WIZ: variants seen among roughly 807,000 people sequenced by gnomAD.
WIZ encodes the protein protein Wiz.
Under a neutral mutation model 140.2 loss-of-function variants are expected in WIZ, and 25 were observed. That is an observed-to-expected ratio of 0.18 (90% confidence interval 0.13 to 0.25). The LOEUF is 0.25. WIZ is among the 10% of genes least tolerant of loss of function. The probability of loss-of-function intolerance (pLI) is 1.00; values close to 1 mark genes in which losing one functional copy is unlikely to be tolerated. For synonymous variants in WIZ, 1,125 were observed against 1,154.3 expected, an observed-to-expected ratio of 0.97 and a Z score of 0.51; for missense variants, 2,231 against 2,632.6, an observed-to-expected ratio of 0.85 and a Z score of 3.34.
intron 5 of WIZ, chr19:15,432,510 TGGCGGTGGTGGTGGCGGCGGC>T (rs1969321488): frequency 6.3e-6 from 4 of 631,068 alleles, no homozygotes; most frequent in Non-Finnish European, 7.4e-6. Flanking sequence ...GCGGTGGCGG[TGGCGGTGGTGGTGGCGGCGGC>T]GGCGGGGGTG....
chr19:15,423,576 A>G (rs1018806656), intron 12 of WIZ, among the ~76,000 whole-genome samples: 1 of 152,110 alleles, frequency 6.6e-6, no homozygotes, highest in Non-Finnish European at 1.5e-5. Context: ...CCAACGCACC[A>G]AGCCCCCCAC....
chr19:15,449,272 C>T (rs1483816258), intron 1 of WIZ, among the ~76,000 whole-genome samples: 9 of 151,948 alleles, frequency 5.9e-5, no homozygotes, highest in African/African-American at 2.2e-4. Flanking sequence ...GGGCGCCAGG[C>T]CTGGTTGCAG....
At chr19:15,435,874 G>C (rs1160647539) in intron 5 of WIZ, among the ~76,000 whole-genome samples, 9 of 152,150 alleles carry the variant, frequency 5.9e-5, no homozygotes. Flanking sequence ...TGTAATCCCA[G>C]CTCTTTGGGG....
At chr19:15,430,320 CACAGCAGG>C (rs1599673312) in intron 6 of WIZ, among the ~76,000 whole-genome samples, 1 of 152,238 alleles carries the variant, frequency 6.6e-6, no homozygotes, top group East Asian at 1.9e-4. Flanking sequence ...CCCAAGGGCA[CACAGCAGG>C]AGATAGAGCC....
Position 15,440,821 on chromosome 19 carries a change from C to A in WIZ, c.279-106G>T. On this transcript the variant is annotated intron_variant, in intron 3 of 12. Coordinates refer to ENST00000673675, the MANE Select transcript of WIZ (RefSeq NM_001371589.1). The surrounding 1 kb of genome is among the most constrained non-coding windows in gnomAD (Gnocchi z 6.2). The stretch of plus-strand genomic sequence containing the variant: ...GCCGTTTGAAGCAGGCCCCGGAGAT[C>A]CAGCCCGAGGGTGACAGGGGTGTGG... The A allele has an allele frequency of 8.4e-7, 1 of 1,184,266 alleles. No individual in the cohort carries two copies. The highest frequency in any genetic ancestry group is 1.1e-6 in the Non-Finnish European group (1 of 872,580). 73.4% of individuals were successfully genotyped at this position (1,184,266 alleles called of 1,614,324 possible). A position where few individuals can be genotyped will look rare whatever the true frequency, so the allele number is the denominator to read the frequency against.
chr19:15,422,988 GGAAA>G lies in WIZ; in HGVS notation c.*84_*87del. On this transcript the variant is annotated 3_prime_UTR_variant, in exon 13 of 13. Transcript: ENST00000673675. ...GGTTTTGGCTTGCTCCTTTGGAAAC[GGAAA>G]GAAAGAGGAAGAGGGACAAGGACAC... 6.5e-7 allele frequency: 1 copy of G among 1,529,560 alleles called. No individual in the cohort carries two copies. The highest frequency in any genetic ancestry group is 1.3e-5 in the South Asian group (1 of 79,922). 94.7% of individuals were successfully genotyped at this position (1,529,560 alleles called of 1,614,324 possible). A position where few individuals can be genotyped will look rare whatever the true frequency, so the allele number is the denominator to read the frequency against.
At chr19:15,433,311 GT>G in intron 5 of WIZ, 1 of 985,450 alleles carries the variant, frequency 1.0e-6, no homozygotes, top group East Asian at 1.1e-4. Flanking sequence ...GTCCCCAGCT[GT>G]TCCTTGACAG....
rs1214354475 is a variant in WIZ at position 15,431,127 on chromosome 19, G to A, written c.2796C>T (p.Leu932=). ...MVAMDLGSPS[L]PKKSLPVPGA... ...CAGGGACAGGCAGGCTCTTCTTAGG[G>A]AGCGAGGGAGAGCCCAAGTCCATGG... Residue 932 remains leucine, a synonymous_variant, in exon 6 of 13, where the codon CTC becomes CTT. Coordinates refer to ENST00000673675, the MANE Select transcript of WIZ (RefSeq NM_001371589.1). 13 of 1,534,976 alleles carry A rather than the reference G, an allele frequency of 8.5e-6. No individual in the cohort carries two copies. The highest frequency in any genetic ancestry group is 1.2e-5 in the South Asian group (1 of 83,874).
rs539854180 is a variant in WIZ, at chr19:15,439,746, A to G, written c.1248T>C (p.Tyr416=). 1.1e-4 allele frequency: 156 copies of G among 1,475,922 alleles called. 1 individual carries two copies. In the South Asian group the frequency reaches 1.8e-3, roughly 17 times the overall value. The allele number at this position is 1,475,922 out of a possible 1,614,324, so 91.4% of individuals were successfully genotyped here. A position where few individuals can be genotyped will look rare whatever the true frequency, so the allele number is the denominator to read the frequency against. ...CVFGTNSSRA[Y]VQHAKLHMRE... ...GCATGTGCAGCTTGGCATGCTGCAC[A>G]TAGGCCCTGGATGAATTGGTGCCAA... Residue 416 remains tyrosine (Y), a synonymous_variant, in exon 4 of 13, where the codon TAT becomes TAC. Coordinates refer to ENST00000673675, the MANE Select transcript of WIZ (RefSeq NM_001371589.1). This position sits in a 1 kb window ranked among gnomAD's most constrained non-coding sequence, Gnocchi z 7.0.
At chr19:15,430,972 C>A in intron 6 of WIZ, 40 bp downstream of exon 6, 2 of 1,490,320 alleles carry the variant, frequency 1.3e-6, no homozygotes, top group Admixed American at 2.1e-5. Flanking sequence ...GTGTAACCAG[C>A]CTGGCCAGCA....
Position 15,428,753 on chromosome 19 carries a change from T to G in WIZ, c.3416-245A>C, listed in dbSNP as rs776078319. Among the ~76,000 whole-genome samples, 211 of 152,258 alleles carry G rather than the reference T, an allele frequency of 1.4e-3. No individual in the cohort carries two copies. The highest frequency in any genetic ancestry group is 1.0e-3 in the Non-Finnish European group (68 of 68,010). On this transcript the variant is annotated intron_variant, in intron 7 of 12. Coordinates refer to ENST00000673675, the MANE Select transcript of WIZ (RefSeq NM_001371589.1). This position sits in a 1 kb window ranked among gnomAD's most constrained non-coding sequence, Gnocchi z 6.4. ...AGACAGGCAGTGACCAAATTCTAGG[T>G]AATCAGATACTCCCAGACCCTCTCC... is the stretch of plus-strand genomic sequence containing the variant.
chr19:15,436,699 A>C, intron 5 of WIZ, 107 bp downstream of exon 5: 12 of 1,203,204 alleles, frequency 1.0e-5, no homozygotes, highest in Non-Finnish European at 1.3e-5. Flanking sequence ...AAGTGACTCA[A>C]AATGCTTCCA....
At position 15,426,971 on chromosome 19, in the gene WIZ, G is replaced by A. The variant is rs200488273; in HGVS notation, c.4366+11C>T. 105 of 1,598,582 alleles carry A rather than the reference G, an allele frequency of 6.6e-5. No individual in the cohort carries two copies. The highest frequency in any genetic ancestry group is 8.0e-5 in the Non-Finnish European group (94 of 1,170,392). On this transcript the variant is annotated intron_variant, in intron 9 of 12. Transcript: ENST00000673675. The stretch of plus-strand genomic sequence containing the variant: ...ACTGTTCTCCCTGCCCTACTGCAGG[G>A]TCACACTTACACAGGTTCAGGGGTG...
rs1969704112 is a variant in WIZ, at chr19:15,440,569, C to G, written c.425G>C (p.Arg142Thr). The G allele has an allele frequency of 1.3e-6, 2 of 1,536,194 alleles. No homozygotes were observed. Among genetic ancestry groups the G allele is most frequent in the Non-Finnish European group, 1.7e-6 (2 of 1,146,898 alleles). Residue 142 changes from arginine (R) to threonine (T), a missense_variant, in exon 4 of 13, where the codon AGA becomes ACA. By Grantham distance (71) the Arg-to-Thr change is moderately conservative. Transcript: ENST00000673675. The surrounding 1 kb of genome is among the most constrained non-coding windows in gnomAD (Gnocchi z 6.2). ...EAGEGILSER[R>T]FEDSVIVRTM... ...TCTCACAATGACTGAGTCCTCGAAT[C>G]TCCGCTCAGATAGGATGCCCTCCCC... is the stretch of plus-strand genomic sequence containing the variant.
rs1968925082 is a variant in WIZ, at chr19:15,427,576, C to A, written c.3815-43G>T. ...AGGGGCAGTTAGCATCGTGGAACTG[C>A]CAGCATGGTCACCTGCAGGAGTGTC... On this transcript the variant is annotated intron_variant, in intron 8 of 12. Transcript: ENST00000673675. The surrounding 1 kb of genome is among the most constrained non-coding windows in gnomAD (Gnocchi z 6.4). The A allele has an allele frequency of 1.3e-6, 2 of 1,563,772 alleles. No individual in the cohort carries two copies. Among genetic ancestry groups the A allele is most frequent in the East Asian group, 4.5e-5 (2 of 43,998 alleles).
intron 1 of WIZ, among the ~76,000 whole-genome samples, chr19:15,448,817 C>T (rs977275829): frequency 2.6e-5 from 4 of 152,134 alleles, no homozygotes; most frequent in Non-Finnish European, 4.4e-5. Context: ...TCCTATACAC[C>T]GTCAGGAGTC....
intron 5 of WIZ, among the ~76,000 whole-genome samples, chr19:15,434,651 G>A (rs1051281887): frequency 1.3e-5 from 2 of 150,918 alleles, no homozygotes; most frequent in East Asian, 1.9e-4. Flanking sequence ...TCCCAGGGGC[G>A]ATACCCCCTG....
At chr19:15,436,759 C>T (rs1437204109) in intron 5 of WIZ, 47 bp downstream of exon 5, 1 of 1,492,960 alleles carries the variant, frequency 6.7e-7, no homozygotes, top group South Asian at 1.3e-5. Flanking sequence ...ATGCTCTGGG[C>T]CCCTGGGAAG....
intron 6 of WIZ, 120 bp downstream of exon 6, chr19:15,430,892 G>A: frequency 1.6e-6 from 2 of 1,280,872 alleles, no homozygotes; most frequent in Non-Finnish European, 2.1e-6. Context: ...GTGCCTCAAG[G>A]TGCCAGAGGG....
Sources: allele counts gnomAD v4.1 joint callset (sites outside exome capture counted in the v4.1 genomes callset), GRCh38; gene constraint gnomAD v4.1.1; non-coding constraint Gnocchi (gnomAD v3.1); transcripts MANE v1.5; gene names NCBI Gene and HGNC (gene_info 2026-07-23, HGNC 2026-07-21).